TYMS: variants seen among roughly 807,000 people sequenced by gnomAD.
The protein encoded by TYMS is thymidylate synthetase.
TYMS carries 21 observed loss-of-function variants against 39.3 expected under a neutral mutation model. That is an observed-to-expected ratio of 0.54 (90% CI 0.38 to 0.77). The LOEUF (loss-of-function observed/expected upper bound fraction) is 0.77. Among genes scored for constraint, TYMS ranks in the 30% least tolerant of loss-of-function variants. The probability of loss-of-function intolerance (pLI) is 0.00; values close to 1 mark genes in which losing one functional copy is unlikely to be tolerated. For missense variants in TYMS, 273 were observed against 406.7 expected, an observed-to-expected ratio of 0.67 and a Z score of 2.83; for synonymous variants, 171 against 162.2, an observed-to-expected ratio of 1.05 and a Z score of -0.41.
intron 1 of TYMS, 49 bp from the exon 2 acceptor site, chr18:659,592 G>A: frequency 6.5e-7 from 1 of 1,527,604 alleles, no homozygotes; most frequent in Non-Finnish European, 9.1e-7. Flanking sequence ...AAGTTGGATG[G>A]CATGATCTGT....
At chr18:661,981 C>CA (rs1244184615) in intron 2 of TYMS, among the ~76,000 whole-genome samples, 165 bp from the exon 3 acceptor site, 1 of 151,666 alleles carries the variant, frequency 6.6e-6, no homozygotes, top group Non-Finnish European at 1.5e-5. Context: ...GCGAAACTCT[C>CA]AAAAAACAAA....
chr18:672,867 G>A lies in TYMS; in HGVS notation c.812G>A (p.Arg271Gln), dbSNP rs1024764626. The A allele has an allele frequency of 1.9e-6, 3 of 1,565,116 alleles. No homozygotes were observed. The highest frequency in any genetic ancestry group is 1.7e-6 in the Non-Finnish European group (2 of 1,144,014). Reference protein sequence around the residue: ...HIEPLKIQLQREPRPFPKLRI... With the variant: ...HIEPLKIQLQQEPRPFPKLRI... ...GCCTTATTTTGTTTTTAGCTTCAGC[G>A]AGAACCCAGACCTTTCCCAAAGCTC... Residue 271 changes from arginine to glutamine, a missense_variant, in exon 7 of 7, where the codon CGA becomes CAA. Physicochemically the swap from Arg to Gln is conservative, Grantham distance 43. Coordinates refer to ENST00000323274, the MANE Select transcript of TYMS (RefSeq NM_001071.4).
chr18:670,042 C>CT (rs1357951783), intron 4 of TYMS, among the ~76,000 whole-genome samples: 9 of 128,580 alleles, frequency 7.0e-5, no homozygotes, highest in African/African-American at 1.7e-4. Context: ...GTAATAGAGA[C>CT]TTATTTTTTT....
intron 3 of TYMS, among the ~76,000 whole-genome samples, 184 bp downstream of exon 3, chr18:662,504 CTTT>C (rs11411741): frequency 5.0e-4 from 68 of 134,680 alleles, no homozygotes; most frequent in African/African-American, 1.8e-3. Context: ...GTTTCACACT[CTTT>C]TTTTTTTTTT....
intron 3 of TYMS, 150 bp downstream of exon 3, chr18:662,470 C>A: frequency 1.6e-6 from 1 of 607,034 alleles, no homozygotes; most frequent in Admixed American, 3.2e-5. Flanking sequence ...CCAGGTTAAG[C>A]CACAATTAAG....
chr18:666,980 GAGA>G lies in TYMS; in HGVS notation c.455-2091_455-2089del, dbSNP rs1377375717. 6.4e-3 allele frequency among the ~76,000 whole-genome samples: 92 copies of G among 14,284 alleles called. 20 individuals are homozygous for G. The East Asian group carries it at 0.19, about 30-fold the overall frequency. The allele number at this position is 14,284 out of a possible 152,430, so 9.4% of individuals were successfully genotyped here. A position where few individuals can be genotyped will look rare whatever the true frequency, so the allele number is the denominator to read the frequency against. On this transcript the variant is annotated intron_variant, in intron 3 of 6. Transcript: ENST00000323274. ...GGAGATGGAGATGGTGATGGAGATGGAGATGGTGATGGTGATGGAGATGGTGAT... is the reference window on the plus strand; with the variant it reads ...GGAGATGGAGATGGTGATGGAGATGGTGGTGATGGTGATGGAGATGGTGAT...
intron 3 of TYMS, among the ~76,000 whole-genome samples, chr18:664,860 G>A (rs1197003945): frequency 1.4e-5 from 2 of 139,946 alleles, no homozygotes; most frequent in Non-Finnish European, 3.0e-5. Flanking sequence ...GCATCCCAGG[G>A]ATGAAGCCCA....
intron 4 of TYMS, chr18:669,516 G>T: frequency 9.9e-6 from 2 of 201,902 alleles, no homozygotes; most frequent in East Asian, 1.2e-4. Context: ...GGGATTACAG[G>T]CATGTGCCAC....
At chr18:659,753 C>G in intron 2 of TYMS, 39 bp downstream of exon 2, 1 of 1,532,578 alleles carries the variant, frequency 6.5e-7, no homozygotes, top group South Asian at 1.1e-5. Context: ...GTAGTCTGTT[C>G]TCAACACAGC....
chr18:662,546 G>C (rs2074767880), intron 3 of TYMS, among the ~76,000 whole-genome samples: 1 of 146,244 alleles, frequency 6.8e-6, no homozygotes, highest in Admixed American at 6.9e-5. Flanking sequence ...TAAGTTTTAG[G>C]GTACATGTGC....
intron 3 of TYMS, among the ~76,000 whole-genome samples, chr18:664,357 A>G (rs2074786081): frequency 6.7e-6 from 1 of 149,464 alleles, no homozygotes. Flanking sequence ...TGATTTTTGC[A>G]GATTGATTTT....
In TYMS at chr18:657,733, C is replaced by T; in HGVS notation, c.-10C>T. On this transcript the variant is annotated 5_prime_UTR_variant, in exon 1 of 7. Transcript: ENST00000323274. Reference sequence around the variant, plus strand: ...CACTTCGCCTGCCTCCGTCCCCCGCCCGCCGCGCCATGCCTGTGGCCGGCT... The same window carrying T: ...CACTTCGCCTGCCTCCGTCCCCCGCTCGCCGCGCCATGCCTGTGGCCGGCT... The T allele has an allele frequency of 7.5e-7, 1 of 1,340,970 alleles. No homozygotes were observed. Among genetic ancestry groups the T allele is most frequent in the Admixed American group, 4.0e-5 (1 of 25,202 alleles). 83.1% of individuals were successfully genotyped at this position (1,340,970 alleles called of 1,614,324 possible).
intron 3 of TYMS, among the ~76,000 whole-genome samples, chr18:667,131 AGATGGTGATGGT>A (rs1179372941): frequency 0.014 from 490 of 34,736 alleles, 29 homozygotes; most frequent in Admixed American, 0.047. Context: ...ATGGTGATGG[AGATGGTGATGGT>A]GATGGTGATG....
rs774638093 is a variant in TYMS at position 670,849 on chromosome 18, G to A, written c.714G>A (p.Ala238=). Residue 238 remains alanine (A), a synonymous_variant, in exon 5 of 7, where the codon GCG becomes GCA. Transcript: ENST00000323274. ...ASYALLTYMI[A]HITGLKPGDF... Reference sequence around the variant, plus strand: ...ACGCCCTGCTCACGTACATGATTGCGCACATCACGGGCCTGAAGGTGGGCT... The same window carrying A: ...ACGCCCTGCTCACGTACATGATTGCACACATCACGGGCCTGAAGGTGGGCT... 21 of 1,613,882 alleles carry A rather than the reference G, an allele frequency of 1.3e-5. No individual in the cohort carries two copies. Among genetic ancestry groups the A allele is most frequent in the Middle Eastern group, 1.6e-4 (1 of 6,080 alleles).
chr18:672,606 T>A (rs1236701352), intron 6 of TYMS: 2 of 317,520 alleles, frequency 6.3e-6, no homozygotes, highest in Admixed American at 4.3e-5. Context: ...TTATAAGAAC[T>A]TACACCTGAT....
At chr18:669,209 C>T (rs1461460351) in intron 4 of TYMS, 36 bp downstream of exon 4, 2 of 1,578,332 alleles carry the variant, frequency 1.3e-6, no homozygotes, top group African/African-American at 1.4e-5. Flanking sequence ...TTATACTAAC[C>T]ATACTCTTAG....
At position 670,690 on chromosome 18, in the gene TYMS, A is replaced by C. The variant is rs1289297593; in HGVS notation, c.557-2A>C. 1 of 1,613,600 alleles carries C rather than the reference A, an allele frequency of 6.2e-7. No individual in the cohort carries two copies. Among genetic ancestry groups the C allele is most frequent in the Admixed American group, 1.7e-5 (1 of 59,954 alleles). On this transcript the variant is annotated splice_acceptor_variant, in intron 4 of 6. Coordinates refer to ENST00000323274, the MANE Select transcript of TYMS (RefSeq NM_001071.4). LOFTEE classifies it high-confidence loss of function. Reference sequence around the variant, plus strand: ...CCTTATCTTCCTCTGCTGGTTCCTCAGATCTTCCTCTGATGGCGCTGCCTC... The same window carrying C: ...CCTTATCTTCCTCTGCTGGTTCCTCCGATCTTCCTCTGATGGCGCTGCCTC...
At chr18:664,210 T>C (rs972613988) in intron 3 of TYMS, among the ~76,000 whole-genome samples, 4 of 152,092 alleles carry the variant, frequency 2.6e-5, no homozygotes, top group African/African-American at 9.7e-5. Context: ...TGGTTTGTAG[T>C]TCTCCTTGAA....
Position 657,717 on chromosome 18 carries a change from T to C in TYMS, c.-26T>C. 7.7e-7 allele frequency: 1 copy of C among 1,294,654 alleles called. No homozygotes were observed. The highest frequency in any genetic ancestry group is 9.7e-7 in the Non-Finnish European group (1 of 1,027,644). 80.2% of individuals were successfully genotyped at this position (1,294,654 alleles called of 1,614,324 possible). On this transcript the variant is annotated 5_prime_UTR_variant, in exon 1 of 7. Coordinates refer to ENST00000323274, the MANE Select transcript of TYMS (RefSeq NM_001071.4). ...CTCCGTCCCGCCGCGCCACTTCGCC[T>C]GCCTCCGTCCCCCGCCCGCCGCGCC...
Sources: gnomAD v4.1 joint callset for allele counts (sites outside exome capture counted in the v4.1 genomes callset) on GRCh38, gnomAD v4.1.1 for gene constraint, MANE v1.5 for transcripts, NCBI Gene and HGNC (gene_info 2026-07-23, HGNC 2026-07-21) for gene names.